Variants in APBB2 observed in about 807,000 individuals in gnomAD.
The protein encoded by APBB2 is amyloid beta precursor protein binding family B member 2.
A neutral mutation model predicts 82.5 loss-of-function variants in APBB2; 38 were observed. That is an observed-to-expected ratio of 0.46 (90% CI 0.36 to 0.60). APBB2 has a LOEUF of 0.60. Among genes scored for constraint, APBB2 ranks in the 20% least tolerant of loss-of-function variants. The pLI, the probability that APBB2 is intolerant of heterozygous loss-of-function variation, is 0.00. For missense variants in APBB2, 772 were observed against 972.3 expected (o/e 0.79, Z 2.74); for synonymous variants, 341 against 368.2 (o/e 0.93, Z 0.85).
chr4:40,943,778 G>A (rs569042890), intron 7 of APBB2, among the ~76,000 whole-genome samples: 110 of 152,310 alleles, frequency 7.2e-4, no homozygotes, highest in Non-Finnish European at 1.2e-3. Flanking sequence ...CCACGGCATG[G>A]CACAGGTAAA....
intron 12 of APBB2, chr4:40,880,234 T>C: frequency 1.0e-6 from 1 of 985,412 alleles, no homozygotes; most frequent in Non-Finnish European, 1.2e-6. Context: ...TGACCTACTC[T>C]AGCTCTCAAA....
rs201401961 is a variant in APBB2, at chr4:41,014,400, TG to T, written c.20-3del. ...CCAAGGTGTCAACACCTGAGTCAGC[TG>T]GGGAAAAAAAAAGTCATTAGACACC... On this transcript the variant is annotated splice_region_variant and splice_polypyrimidine_tract_variant and intron_variant, in intron 5 of 17. Coordinates refer to ENST00000508593, the MANE Select transcript of APBB2 (RefSeq NM_004307.2). 2.5e-6 allele frequency: 4 copies of T among 1,610,308 alleles called. No homozygotes were observed. In the African/African-American group the frequency reaches 4.0e-5, roughly 16 times the overall value.
chr4:40,909,316 C>T (rs10003027), intron 10 of APBB2, among the ~76,000 whole-genome samples: 2,452 of 152,236 alleles, frequency 0.016, 54 homozygotes, highest in African/African-American at 0.05. Flanking sequence ...AAGTGTCAGT[C>T]GACTGCATGT....
chr4:41,156,955 A>C (rs1763618350), intron 1 of APBB2, among the ~76,000 whole-genome samples: 1 of 151,840 alleles, frequency 6.6e-6, no homozygotes, highest in South Asian at 2.1e-4. Context: ...AATCCCAGCT[A>C]CTTGGGGGAC....
At chr4:40,923,934 G>A (rs1781967276) in intron 10 of APBB2, among the ~76,000 whole-genome samples, 1 of 152,200 alleles carries the variant, frequency 6.6e-6, no homozygotes, top group Non-Finnish European at 1.5e-5. Context: ...ATAAAGGGAG[G>A]AAAACAGTTT....
chr4:41,162,745 C>T (rs1196194461), intron 1 of APBB2, among the ~76,000 whole-genome samples: 1 of 152,124 alleles, frequency 6.6e-6, no homozygotes, highest in Non-Finnish European at 1.5e-5. Flanking sequence ...GGTCCCAGCA[C>T]TCAGGAGGCT....
At chr4:40,856,645 G>A (rs1429229301) in intron 12 of APBB2, among the ~76,000 whole-genome samples, 1 of 152,218 alleles carries the variant, frequency 6.6e-6, no homozygotes, top group African/African-American at 2.4e-5. Flanking sequence ...GGCACGTGAG[G>A]CGAAGGCAGT....
At chr4:40,893,856 T>C (rs913288487) in intron 10 of APBB2, among the ~76,000 whole-genome samples, 2 of 151,180 alleles carry the variant, frequency 1.3e-5, no homozygotes, top group African/African-American at 4.9e-5. Context: ...TGCCTGCAAC[T>C]CCAGCTACTC....
chr4:41,170,277 T>A (rs1560944595), intron 1 of APBB2, among the ~76,000 whole-genome samples: 2 of 152,230 alleles, frequency 1.3e-5, no homozygotes, highest in Non-Finnish European at 1.5e-5. Context: ...TCCTAGGCCA[T>A]CCGGAGGGCA....
intron 3 of APBB2, among the ~76,000 whole-genome samples, chr4:41,099,851 A>ATAT (rs1268784379): frequency 6.6e-6 from 1 of 152,098 alleles, no homozygotes; most frequent in African/African-American, 2.4e-5. Context: ...GCTAGAGAGG[A>ATAT]TATTTGTGTA....
intron 1 of APBB2, among the ~76,000 whole-genome samples, chr4:41,182,099 A>T (rs182837025): frequency 6.6e-6 from 1 of 152,268 alleles, no homozygotes; most frequent in Non-Finnish European, 1.5e-5. Flanking sequence ...TCACATAAAG[A>T]TCTTTCCATC....
chr4:40,924,695 G>A (rs574258500), intron 10 of APBB2, among the ~76,000 whole-genome samples: 3 of 152,300 alleles, frequency 2.0e-5, no homozygotes, highest in South Asian at 2.1e-4. Context: ...CTCCAGCTCC[G>A]GCCGCCCCCA....
intron 11 of APBB2, among the ~76,000 whole-genome samples, chr4:40,891,560 C>T (rs1052182781): frequency 7.9e-5 from 12 of 152,176 alleles, no homozygotes; most frequent in African/African-American, 2.9e-4. Flanking sequence ...CAAACATTCT[C>T]AGAGTGAAAT....
chr4:41,004,210 C>T (rs79598712), intron 6 of APBB2, among the ~76,000 whole-genome samples: 22,743 of 152,122 alleles, frequency 0.15, 2,169 homozygotes, highest in Non-Finnish European at 0.21. Context: ...TGAGCCACTG[C>T]GCCCGGCCAC....
intron 12 of APBB2, among the ~76,000 whole-genome samples, chr4:40,873,676 G>T (rs1318725671): frequency 2.6e-5 from 4 of 152,204 alleles, no homozygotes; most frequent in African/African-American, 9.7e-5. Context: ...TATCTTTAGG[G>T]CTGAGGTGGT....
At chr4:41,081,633 G>A (rs941343605) in intron 3 of APBB2, among the ~76,000 whole-genome samples, 3 of 152,086 alleles carry the variant, frequency 2.0e-5, no homozygotes, top group Non-Finnish European at 4.4e-5. Flanking sequence ...CTTTAAGACA[G>A]CCTCCAAACA....
chr4:40,991,010 C>CTTTTTTTTTTTTT lies in APBB2; in HGVS notation c.835+22572_835+22573insAAAAAAAAAAAAA, dbSNP rs1491223078. On this transcript the variant is annotated intron_variant, in intron 6 of 17. Coordinates refer to ENST00000508593, the MANE Select transcript of APBB2 (RefSeq NM_004307.2). ...TTTCTGGTCATTTTGGACTGAGTTTCATTTTTTTTTTTTTTGGAGGCAAGG... is the reference window on the plus strand; with the variant it reads ...TTTCTGGTCATTTTGGACTGAGTTTCTTTTTTTTTTTTTATTTTTTTTTTTTTTGGAGGCAAGG... Among the ~76,000 whole-genome samples the CTTTTTTTTTTTTT allele has an allele frequency of 5.9e-3, 760 of 128,478 alleles. 63 individuals are homozygous for CTTTTTTTTTTTTT. The highest frequency in any genetic ancestry group is 0.019 in the East Asian group (66 of 3,508). 84.3% of individuals were successfully genotyped at this position (128,478 alleles called of 152,430 possible).
intron 3 of APBB2, among the ~76,000 whole-genome samples, chr4:41,078,139 G>A (rs185664647): frequency 2.2e-4 from 34 of 152,226 alleles, no homozygotes; most frequent in African/African-American, 7.5e-4. Flanking sequence ...GTATTTAAGG[G>A]AGGAAGAATA....
intron 12 of APBB2, among the ~76,000 whole-genome samples, chr4:40,872,797 A>G (rs1234336078): frequency 6.6e-6 from 1 of 151,928 alleles, no homozygotes; most frequent in Non-Finnish European, 1.5e-5. Flanking sequence ...AAAAAAAAAA[A>G]AGATGGCGCC....
Sources: allele counts gnomAD v4.1 joint callset (sites outside exome capture counted in the v4.1 genomes callset), GRCh38; gene constraint gnomAD v4.1.1; transcripts MANE v1.5; gene names NCBI Gene and HGNC (gene_info 2026-07-23, HGNC 2026-07-21).